Variants in NEURL1 observed in about 807,000 individuals in gnomAD.
NEURL1 encodes E3 ubiquitin-protein ligase NEURL1.
In NEURL1, 26 loss-of-function variants were observed where a neutral mutation model predicts 41.2. The observed-to-expected ratio is 0.63, with a 90% confidence interval of 0.46 to 0.87. The LOEUF (loss-of-function observed/expected upper bound fraction) is 0.87, where lower values mean the gene tolerates loss of function less well. Ranked by LOEUF, NEURL1 falls within the 40% of genes least tolerant of loss-of-function variation. NEURL1 has a pLI of 0.00. For synonymous variants in NEURL1, 400 were observed against 402.3 expected, an observed-to-expected ratio of 0.99 and a Z score of 0.07; for missense variants, 761 against 871.1, an observed-to-expected ratio of 0.87 and a Z score of 1.59.
chr10:103,501,232 C>T (rs1564802088), intron 1 of NEURL1, among the ~76,000 whole-genome samples: 1 of 152,162 alleles, frequency 6.6e-6, no homozygotes, highest in Non-Finnish European at 1.5e-5. Context: ...CCATGGACAG[C>T]TTTTGAGCAA....
intron 1 of NEURL1, among the ~76,000 whole-genome samples, chr10:103,501,618 T>TTTTTTATTATTATTATTATTATTA (rs372200333): frequency 7.0e-5 from 10 of 142,596 alleles, no homozygotes; most frequent in African/African-American, 2.6e-4. Flanking sequence ...TCCCACTTTA[T>TTTTTTATTATTATTATTATTATTA]TTATTATTAT....
rs1025508774 is a variant in NEURL1, at chr10:103,508,147, C to T, written c.85+13675C>T. On this transcript the variant is annotated intron_variant, in intron 1 of 5. Transcript: ENST00000369780. The surrounding 1 kb of genome is among the most constrained non-coding windows in gnomAD (Gnocchi z 4.3). ...CTGGGAAAGTGGGGAGAGGAGGAAA[C>T]GCCTGTTTGTCTCCGCCCCTGGGCT... is the stretch of plus-strand genomic sequence containing the variant. Among the ~76,000 whole-genome samples the T allele has an allele frequency of 4.6e-4, 70 of 152,326 alleles. No individual in the cohort carries two copies. The highest frequency in any genetic ancestry group is 3.4e-3 in the Middle Eastern group (1 of 294).
intron 1 of NEURL1, among the ~76,000 whole-genome samples, chr10:103,552,157 C>G (rs925488389): frequency 1.5e-4 from 23 of 152,164 alleles, no homozygotes; most frequent in African/African-American, 5.6e-4. Flanking sequence ...TGCTGCTGCT[C>G]CCTCCCCTTG....
chr10:103,558,334 G>A lies in NEURL1; in HGVS notation c.86-12538G>A. 1 of 850,572 alleles carries A rather than the reference G, an allele frequency of 1.2e-6. No homozygotes were observed. The highest frequency in any genetic ancestry group is 1.8e-5 in the African/African-American group (1 of 54,588). The allele number at this position is 850,572 out of a possible 1,614,324, so 52.7% of individuals were successfully genotyped here. ...AATTGTGTGTTTTGTTTGTGGACGT[G>A]TTTTGGCTCTCTGAGCTTCTGATGT... On this transcript the variant is annotated intron_variant, in intron 1 of 5. Transcript: ENST00000369780. The surrounding 1 kb of genome is among the most constrained non-coding windows in gnomAD (Gnocchi z 4.2).
intron 1 of NEURL1, among the ~76,000 whole-genome samples, chr10:103,527,647 C>A (rs2034488522): frequency 6.6e-6 from 1 of 152,030 alleles, no homozygotes; most frequent in African/African-American, 2.4e-5. Flanking sequence ...CTTGTGATTC[C>A]CTATCTCATC....
At position 103,566,408 on chromosome 10, in the gene NEURL1, GTCTC is replaced by G. The variant is rs576815003; in HGVS notation, c.86-4458_86-4455del. 2.8e-4 allele frequency among the ~76,000 whole-genome samples: 43 copies of G among 152,130 alleles called. No homozygotes were observed. Among genetic ancestry groups the G allele is most frequent in the Middle Eastern group, 3.4e-3 (1 of 294 alleles). ...CCTTCTCTGATACCTACTGATCTCT[GTCTC>G]TCTCTAGTTTTGCCTTTTCCAAAAT... On this transcript the variant is annotated intron_variant, in intron 1 of 5. Coordinates refer to ENST00000369780, the MANE Select transcript of NEURL1 (RefSeq NM_004210.5). The surrounding 1 kb of genome is among the most constrained non-coding windows in gnomAD (Gnocchi z 4.2).
chr10:103,578,206 C>A (rs943743321), intron 3 of NEURL1, among the ~76,000 whole-genome samples: 6 of 152,254 alleles, frequency 3.9e-5, no homozygotes, highest in Admixed American at 1.3e-4. Flanking sequence ...ACCCCACTTA[C>A]CTCACAGATG....
At chr10:103,564,998 T>G (rs1244247235) in intron 1 of NEURL1, among the ~76,000 whole-genome samples, 1 of 152,012 alleles carries the variant, frequency 6.6e-6, no homozygotes, top group Non-Finnish European at 1.5e-5. Flanking sequence ...CCTAGAGGAG[T>G]GCTGGGCACA....
intron 3 of NEURL1, among the ~76,000 whole-genome samples, chr10:103,579,110 C>T (rs2035731797): frequency 6.6e-6 from 1 of 152,228 alleles, no homozygotes. Context: ...CTTGGTTACC[C>T]TGCACTGCTG....
At chr10:103,557,092 T>C (rs571105048) in intron 1 of NEURL1, among the ~76,000 whole-genome samples, 3 of 152,156 alleles carry the variant, frequency 2.0e-5, no homozygotes, top group Non-Finnish European at 4.4e-5. Context: ...GCCTCAGTTT[T>C]CTCACCTGTC....
At chr10:103,536,405 G>A (rs867119282) in intron 1 of NEURL1, among the ~76,000 whole-genome samples, 6 of 152,090 alleles carry the variant, frequency 3.9e-5, no homozygotes, top group Admixed American at 6.6e-5. Flanking sequence ...TTAGCTGGGC[G>A]TGGGGGTGGG....
At chr10:103,579,857 G>A (rs1251192849) in intron 3 of NEURL1, among the ~76,000 whole-genome samples, 2 of 152,206 alleles carry the variant, frequency 1.3e-5, no homozygotes, top group East Asian at 1.9e-4. Flanking sequence ...CACAAGAATC[G>A]CTTGAACCTG....
At chr10:103,540,706 C>G (rs1434262901) in intron 1 of NEURL1, among the ~76,000 whole-genome samples, 4 of 152,176 alleles carry the variant, frequency 2.6e-5, no homozygotes, top group African/African-American at 9.7e-5. Context: ...TTACCATAAC[C>G]ATCTTTAGAG....
chr10:103,571,937 C>T (rs1473837827), intron 3 of NEURL1, 115 bp downstream of exon 3: 2 of 1,045,504 alleles, frequency 1.9e-6, no homozygotes, highest in Non-Finnish European at 2.7e-6. Flanking sequence ...TGACTGGTGC[C>T]AAGGGGAACC....
chr10:103,586,805 TAGAG>T (rs1366310286), intron 4 of NEURL1, among the ~76,000 whole-genome samples: 1 of 152,098 alleles, frequency 6.6e-6, no homozygotes, highest in African/African-American at 2.4e-5. Flanking sequence ...TCCCAGCACT[TAGAG>T]AGGCCGAGGC....
chr10:103,510,796 T>G (rs1415656455), intron 1 of NEURL1, among the ~76,000 whole-genome samples: 1 of 152,202 alleles, frequency 6.6e-6, no homozygotes, highest in East Asian at 1.9e-4. Context: ...GAGCTAAAGT[T>G]GCTGGGAAGA....
chr10:103,564,303 C>A (rs1205608567), intron 1 of NEURL1, among the ~76,000 whole-genome samples: 1 of 152,208 alleles, frequency 6.6e-6, no homozygotes, highest in Non-Finnish European at 1.5e-5. Flanking sequence ...GGTGCCCCCA[C>A]TGGGGCTCCC....
rs1208159820 is a variant in NEURL1, at chr10:103,566,480, G to A, written c.86-4392G>A. On this transcript the variant is annotated intron_variant, in intron 1 of 5. Coordinates refer to ENST00000369780, the MANE Select transcript of NEURL1 (RefSeq NM_004210.5). The surrounding 1 kb of genome is among the most constrained non-coding windows in gnomAD (Gnocchi z 4.2). The stretch of plus-strand genomic sequence containing the variant: ...GTACAGCATACAGCCCTTTGCATCT[G>A]GCTTCTTTCACATAGCATACTTTTG... Among the ~76,000 whole-genome samples the A allele has an allele frequency of 6.6e-6, 1 of 152,050 alleles. No individual in the cohort carries two copies. The highest frequency in any genetic ancestry group is 1.5e-5 in the Non-Finnish European group (1 of 68,008).
intron 1 of NEURL1, among the ~76,000 whole-genome samples, chr10:103,549,522 T>C (rs1228075896): frequency 2.0e-5 from 3 of 152,224 alleles, no homozygotes; most frequent in Non-Finnish European, 4.4e-5. Context: ...CAGCTGGGGT[T>C]CCCTGCTTCC....
Sources: gnomAD v4.1 joint callset for allele counts (sites outside exome capture counted in the v4.1 genomes callset) on GRCh38, gnomAD v4.1.1 for gene constraint, Gnocchi (gnomAD v3.1) non-coding constraint, MANE v1.5 for transcripts, NCBI Gene and HGNC (gene_info 2026-07-23, HGNC 2026-07-21) for gene names.